DYNC1I1: variants seen among roughly 807,000 people sequenced by gnomAD.
DYNC1I1 encodes dynein cytoplasmic 1 intermediate chain 1, also known as cytoplasmic dynein 1 intermediate chain 1.
Under a neutral mutation model 86.6 loss-of-function variants are expected in DYNC1I1, and 43 were observed. The ratio of observed to expected loss-of-function variants is 0.50; its 90% CI spans 0.39 to 0.64. DYNC1I1 has a LOEUF of 0.64. DYNC1I1 is among the 30% of genes least tolerant of loss of function. The pLI, the probability that DYNC1I1 is intolerant of heterozygous loss-of-function variation, is 0.00. For synonymous variants in DYNC1I1, 262 were observed against 283.7 expected, an observed-to-expected ratio of 0.92 and a Z score of 0.77; for missense variants, 604 against 788.8, an observed-to-expected ratio of 0.77 and a Z score of 2.81.
At chr7:96,016,171 G>A (rs1162785104) in intron 10 of DYNC1I1, among the ~76,000 whole-genome samples, 1 of 152,056 alleles carries the variant, frequency 6.6e-6, no homozygotes, top group African/African-American at 2.4e-5. Flanking sequence ...ACCTATTCGT[G>A]CCAAATTATT....
At chr7:95,908,887 C>T (rs1791246270) in intron 6 of DYNC1I1, among the ~76,000 whole-genome samples, 1 of 151,884 alleles carries the variant, frequency 6.6e-6, no homozygotes, top group South Asian at 2.1e-4. Context: ...TGTAAAGAAA[C>T]AAAAGACTAC....
In DYNC1I1 at chr7:95,944,235, A is replaced by C. The variant is rs551007554; in HGVS notation, c.491-33277A>C. ...CAAAGGATATGAACAGACACTTCTC[A>C]AAAGAAGATATTTATGCAGCCAAAA... is the stretch of plus-strand genomic sequence containing the variant. On this transcript the variant is annotated intron_variant, in intron 6 of 16. Transcript: ENST00000447467. 1.6e-3 allele frequency among the ~76,000 whole-genome samples: 250 copies of C among 152,376 alleles called. 1 individual carries two copies. The highest frequency in any genetic ancestry group is 5.8e-3 in the African/African-American group (243 of 41,588).
At chr7:95,990,368 C>T (rs535101546) in intron 9 of DYNC1I1, among the ~76,000 whole-genome samples, 2 of 152,248 alleles carry the variant, frequency 1.3e-5, no homozygotes, top group East Asian at 1.9e-4. Flanking sequence ...GGATGCAAAC[C>T]TGAGTAATCT....
At chr7:96,105,245 T>C (rs1791198478) in intron 16 of DYNC1I1, among the ~76,000 whole-genome samples, 1 of 151,988 alleles carries the variant, frequency 6.6e-6, no homozygotes, top group Non-Finnish European at 1.5e-5. Context: ...ACATACACAA[T>C]TATGCCATCT....
At chr7:96,040,677 C>T (rs564429668) in intron 14 of DYNC1I1, among the ~76,000 whole-genome samples, 1 of 151,206 alleles carries the variant, frequency 6.6e-6, no homozygotes, top group Non-Finnish European at 1.5e-5. Context: ...CCAAACAGAA[C>T]GTATGCACTA....
At chr7:95,876,477 C>A (rs941318937) in intron 6 of DYNC1I1, among the ~76,000 whole-genome samples, 1 of 152,102 alleles carries the variant, frequency 6.6e-6, no homozygotes, top group African/African-American at 2.4e-5. Flanking sequence ...GAGATGGAAG[C>A]TGAGTTTTAC....
At chr7:96,051,148 A>AT (rs1294116391) in intron 14 of DYNC1I1, among the ~76,000 whole-genome samples, 1 of 151,756 alleles carries the variant, frequency 6.6e-6, no homozygotes, top group East Asian at 1.9e-4. Context: ...GAGTCTTTGG[A>AT]TTTTTTTATT....
intron 14 of DYNC1I1, among the ~76,000 whole-genome samples, chr7:96,063,491 T>A (rs1205698615): frequency 6.6e-6 from 1 of 152,138 alleles, no homozygotes; most frequent in Non-Finnish European, 1.5e-5. Context: ...GGCTAGAAGT[T>A]CAAGATCAAG....
intron 6 of DYNC1I1, among the ~76,000 whole-genome samples, chr7:95,940,595 C>G (rs937508639): frequency 2.0e-5 from 3 of 152,188 alleles, no homozygotes; most frequent in Non-Finnish European, 4.4e-5. Flanking sequence ...CGCATCAGCT[C>G]CTGAGGCTTC....
intron 16 of DYNC1I1, among the ~76,000 whole-genome samples, chr7:96,088,722 A>G (rs1243108896): frequency 2.0e-5 from 3 of 152,150 alleles, no homozygotes; most frequent in Non-Finnish European, 4.4e-5. Flanking sequence ...TATCTAAAAT[A>G]TAATACATAA....
At chr7:95,925,913 G>C (rs1282696282) in intron 6 of DYNC1I1, among the ~76,000 whole-genome samples, 1 of 152,038 alleles carries the variant, frequency 6.6e-6, no homozygotes, top group Non-Finnish European at 1.5e-5. Context: ...TAAAAGGAGA[G>C]TACAAACTTC....
chr7:95,980,464 T>C (rs1455677823), intron 7 of DYNC1I1, among the ~76,000 whole-genome samples: 2 of 148,934 alleles, frequency 1.3e-5, no homozygotes, highest in Non-Finnish European at 3.0e-5. Flanking sequence ...TACTCAGCCA[T>C]AAAGATTTGC....
At chr7:95,839,671 T>C (rs1799037) in intron 5 of DYNC1I1, among the ~76,000 whole-genome samples, 3,446 of 152,304 alleles carry the variant, frequency 0.023, 136 homozygotes, top group African/African-American at 0.078. Context: ...TTTTATACTT[T>C]CTTATGTTTT....
chr7:95,884,128 G>T (rs939699831), intron 6 of DYNC1I1, among the ~76,000 whole-genome samples: 23 of 152,156 alleles, frequency 1.5e-4, no homozygotes, highest in African/African-American at 5.3e-4. Context: ...TCAGTCTTCT[G>T]AAATGACACT....
At chr7:95,773,838 A>C (rs952525050) in intron 1 of DYNC1I1, among the ~76,000 whole-genome samples, 1 of 152,230 alleles carries the variant, frequency 6.6e-6, no homozygotes, top group African/African-American at 2.4e-5. Context: ...ATGGGTAACC[A>C]GTCTGTGTAC....
At chr7:95,812,752 C>T (rs575955487) in intron 3 of DYNC1I1, among the ~76,000 whole-genome samples, 4 of 152,204 alleles carry the variant, frequency 2.6e-5, no homozygotes, top group Non-Finnish European at 5.9e-5. Flanking sequence ...ACATTTCTCT[C>T]TCAATGCAGA....
intron 6 of DYNC1I1, among the ~76,000 whole-genome samples, chr7:95,939,679 G>A (rs1274249819): frequency 1.3e-5 from 2 of 151,068 alleles, no homozygotes; most frequent in South Asian, 2.1e-4. Context: ...TTTATTTTGA[G>A]CCTATGTGTG....
At chr7:96,039,175 A>G in intron 13 of DYNC1I1, 102 bp from the exon 14 acceptor site, 1 of 1,306,018 alleles carries the variant, frequency 7.7e-7, no homozygotes. Flanking sequence ...GTTCTAAATT[A>G]TGGAGATGCA....
At chr7:95,886,265 G>A (rs183894447) in intron 6 of DYNC1I1, among the ~76,000 whole-genome samples, 124 of 152,060 alleles carry the variant, frequency 8.2e-4, no homozygotes, top group South Asian at 1.2e-3. Flanking sequence ...GTGAAACCCC[G>A]TCTCTATTAA....
Sources: allele counts gnomAD v4.1 joint callset (sites outside exome capture counted in the v4.1 genomes callset), GRCh38; gene constraint gnomAD v4.1.1; transcripts MANE v1.5; gene names NCBI Gene and HGNC (gene_info 2026-07-23, HGNC 2026-07-21).